Variants in PDE4B observed in about 807,000 individuals in gnomAD.
The protein encoded by PDE4B is 3',5'-cyclic-AMP phosphodiesterase 4B.
PDE4B carries 20 observed loss-of-function variants against 82.2 expected under a neutral mutation model. That is an observed-to-expected ratio of 0.24 (90% CI 0.17 to 0.35). The LOEUF (loss-of-function observed/expected upper bound fraction) is 0.35. Among genes scored for constraint, PDE4B ranks in the 10% least tolerant of loss-of-function variants. PDE4B has a pLI of 1.00. For synonymous variants in PDE4B, 320 were observed against 318.9 expected, an observed-to-expected ratio of 1.00 and a Z score of -0.04; for missense variants, 655 against 907.2, an observed-to-expected ratio of 0.72 and a Z score of 3.57.
rs866391359 is a variant in PDE4B at position 66,359,451 on chromosome 1, G to T, written c.842-2164G>T. Reference sequence around the variant, plus strand: ...CACTGTGCTGGCTAAGCATTTAATAGAGGAAATTCAGAATAGGGAAACCTA... The same window carrying T: ...CACTGTGCTGGCTAAGCATTTAATATAGGAAATTCAGAATAGGGAAACCTA... On this transcript the variant is annotated intron_variant, in intron 9 of 16. Coordinates refer to ENST00000341517, the MANE Select transcript of PDE4B (RefSeq NM_002600.4). Among the ~76,000 whole-genome samples, 10 of 152,320 alleles carry T rather than the reference G, an allele frequency of 6.6e-5. No individual in the cohort carries two copies. The South Asian group carries it at 8.3e-4, about 13-fold the overall frequency.
chr1:66,144,087 A>G (rs1164131280), intron 3 of PDE4B, among the ~76,000 whole-genome samples: 4 of 152,240 alleles, frequency 2.6e-5, no homozygotes, highest in Admixed American at 1.3e-4. Context: ...AAAAGTGAAA[A>G]TAGTTGAGCA....
At chr1:66,142,510 A>AT (rs900126527) in intron 3 of PDE4B, among the ~76,000 whole-genome samples, 5 of 151,950 alleles carry the variant, frequency 3.3e-5, no homozygotes, top group East Asian at 1.9e-4. Context: ...TTTTTTTTAA[A>AT]TTTTTTTGAC....
At chr1:65,979,942 A>C (rs1650600020) in intron 3 of PDE4B, among the ~76,000 whole-genome samples, 1 of 152,154 alleles carries the variant, frequency 6.6e-6, no homozygotes, top group Non-Finnish European at 1.5e-5. Flanking sequence ...GAGAAAGGGC[A>C]GGGCTGTTGT....
rs182004263 is a variant in PDE4B, at chr1:66,033,751, G to A, written c.281+114916G>A. On this transcript the variant is annotated intron_variant, in intron 3 of 16. Coordinates refer to ENST00000341517, the MANE Select transcript of PDE4B (RefSeq NM_002600.4). ...AATGAGAGGAGGAGAAGAGGCTAAAGGTACATCTCCTTTTACTTTTCTTTC... is the reference window on the plus strand; with the variant it reads ...AATGAGAGGAGGAGAAGAGGCTAAAAGTACATCTCCTTTTACTTTTCTTTC... Among the ~76,000 whole-genome samples, 4 of 148,286 alleles carry A rather than the reference G, an allele frequency of 2.7e-5. No homozygotes were observed. The East Asian group carries it at 7.8e-4, about 29-fold the overall frequency.
chr1:65,845,987 G>A (rs963928965), intron 1 of PDE4B, among the ~76,000 whole-genome samples: 5 of 152,252 alleles, frequency 3.3e-5, no homozygotes, highest in South Asian at 2.1e-4. Flanking sequence ...CTGGCTGGCC[G>A]CCTCCTCCGT....
At chr1:66,148,288 A>AATG (rs1160451698) in intron 3 of PDE4B, among the ~76,000 whole-genome samples, 5 of 151,662 alleles carry the variant, frequency 3.3e-5, no homozygotes, top group Non-Finnish European at 7.4e-5. Context: ...TAATAATAAT[A>AATG]ATAAAATAAA....
chr1:66,300,440 G>C (rs1657804578), intron 7 of PDE4B, among the ~76,000 whole-genome samples: 2 of 152,058 alleles, frequency 1.3e-5, no homozygotes, highest in Non-Finnish European at 1.5e-5. Context: ...CCAGTTCACT[G>C]TACTTTATTG....
At chr1:65,903,651 T>G (rs1646996745) in intron 1 of PDE4B, among the ~76,000 whole-genome samples, 1 of 152,174 alleles carries the variant, frequency 6.6e-6, no homozygotes, top group Non-Finnish European at 1.5e-5. Context: ...ATGAAGACAC[T>G]TAAAGACCAA....
At chr1:66,070,924 T>G (rs1458335139) in intron 3 of PDE4B, among the ~76,000 whole-genome samples, 3 of 152,122 alleles carry the variant, frequency 2.0e-5, no homozygotes, top group Non-Finnish European at 4.4e-5. Flanking sequence ...GACATCATTT[T>G]ATTGATTACA....
intron 3 of PDE4B, among the ~76,000 whole-genome samples, chr1:66,100,142 C>T (rs111282867): frequency 0.042 from 6,369 of 151,802 alleles, 159 homozygotes; most frequent in East Asian, 0.08. Flanking sequence ...CAGTCTCCCC[C>T]TCCTGAGTTC....
Position 66,023,917 on chromosome 1 carries a change from G to A in PDE4B, c.281+105082G>A, listed in dbSNP as rs542872333. 3.9e-5 allele frequency among the ~76,000 whole-genome samples: 6 copies of A among 152,018 alleles called. No homozygotes were observed. The East Asian group carries it at 1.2e-3, about 29-fold the overall frequency. ...CTTCATTACTATATGTGTCTCAAGT[G>A]GAGAGTTGAACTCAGGAAAACAGCC... On this transcript the variant is annotated intron_variant, in intron 3 of 16. Coordinates refer to ENST00000341517, the MANE Select transcript of PDE4B (RefSeq NM_002600.4).
chr1:65,848,249 C>T (rs1646289059), intron 1 of PDE4B, among the ~76,000 whole-genome samples: 1 of 152,082 alleles, frequency 6.6e-6, no homozygotes, highest in Admixed American at 6.6e-5. Context: ...AGCAGTTCTC[C>T]CGCATCAGCC....
intron 3 of PDE4B, among the ~76,000 whole-genome samples, chr1:66,032,982 C>A (rs561500476): frequency 6.6e-6 from 1 of 152,258 alleles, no homozygotes; most frequent in South Asian, 2.1e-4. Context: ...ATAAGCAATC[C>A]ATTTTGCTTT....
chr1:66,033,396 G>T (rs1257348656), intron 3 of PDE4B, among the ~76,000 whole-genome samples: 1 of 152,058 alleles, frequency 6.6e-6, no homozygotes, highest in Non-Finnish European at 1.5e-5. Flanking sequence ...GCCATGTGTT[G>T]CCTGGCTCAG....
At chr1:66,210,816 G>C (rs1369868206) in intron 3 of PDE4B, among the ~76,000 whole-genome samples, 3 of 152,102 alleles carry the variant, frequency 2.0e-5, no homozygotes, top group Non-Finnish European at 4.4e-5. Flanking sequence ...TGCTGTCACA[G>C]CTACTGACAT....
chr1:66,033,668 A>G (rs1653913472), intron 3 of PDE4B, among the ~76,000 whole-genome samples: 1 of 151,772 alleles, frequency 6.6e-6, no homozygotes, highest in African/African-American at 2.4e-5. Flanking sequence ...AAGAAGCCAG[A>G]GAAAGGGTAA....
intron 4 of PDE4B, among the ~76,000 whole-genome samples, chr1:66,248,851 A>T (rs1570553703): frequency 6.6e-6 from 1 of 152,202 alleles, no homozygotes; most frequent in South Asian, 2.1e-4. Flanking sequence ...CATGGAGCCG[A>T]GCTCATGTTC....
chr1:65,833,733 A>G (rs1207885148), intron 1 of PDE4B, among the ~76,000 whole-genome samples: 1 of 152,232 alleles, frequency 6.6e-6, no homozygotes, highest in Admixed American at 6.5e-5. Context: ...TATGTTATAT[A>G]AAAATTCATC....
chr1:66,083,605 C>T (rs562010707), intron 3 of PDE4B, among the ~76,000 whole-genome samples: 1 of 152,230 alleles, frequency 6.6e-6, no homozygotes, highest in South Asian at 2.1e-4. Context: ...TGTTTCATCT[C>T]AAATTCCTCC....
Sources: gnomAD v4.1 joint callset for allele counts (sites outside exome capture counted in the v4.1 genomes callset) on GRCh38, gnomAD v4.1.1 for gene constraint, MANE v1.5 for transcripts, NCBI Gene and HGNC (gene_info 2026-07-23, HGNC 2026-07-21) for gene names.